SIL1: variants seen among roughly 807,000 people sequenced by gnomAD.
The protein encoded by SIL1 is nucleotide exchange factor SIL1.
In SIL1, 40 loss-of-function variants were observed where a neutral mutation model predicts 49.1. The ratio of observed to expected loss-of-function variants is 0.81; its 90% confidence interval spans 0.63 to 1.06. SIL1 has a LOEUF of 1.06. SIL1 is among the 50% of genes least tolerant of loss of function. The pLI, the probability that SIL1 is intolerant of heterozygous loss-of-function variation, is 0.00. For missense variants in SIL1, 500 were observed against 572.6 expected (o/e 0.87, Z 1.29); for synonymous variants, 253 against 250.8 (o/e 1.01, Z -0.08).
chr5:139,116,848 G>T (rs530660991), intron 3 of SIL1, among the ~76,000 whole-genome samples: 98 of 152,288 alleles, frequency 6.4e-4, no homozygotes, highest in African/African-American at 2.1e-3. Flanking sequence ...GCCCTGTGTT[G>T]AACATTTTAC....
At chr5:139,039,372 G>T (rs991330278) in intron 5 of SIL1, among the ~76,000 whole-genome samples, 5 of 152,114 alleles carry the variant, frequency 3.3e-5, no homozygotes, top group African/African-American at 4.8e-5. Context: ...AGTGGGGTGG[G>T]GAGATTTTCA....
Position 139,020,486 on chromosome 5 carries a change from A to G in SIL1, c.767+685T>C, listed in dbSNP as rs2150427566. Reference sequence around the variant, plus strand: ...ATCAGAATATTTGTTCCTGTTTTAAAGGCACAAATGGTCCTAAGAGCAGAT... The same window carrying G: ...ATCAGAATATTTGTTCCTGTTTTAAGGGCACAAATGGTCCTAAGAGCAGAT... On this transcript the variant is annotated intron_variant, in intron 7 of 9. Transcript: ENST00000394817. 2.0e-5 allele frequency among the ~76,000 whole-genome samples: 3 copies of G among 152,388 alleles called. No homozygotes were observed. In the Middle Eastern group the frequency reaches 0.01, roughly 518 times the overall value.
At chr5:139,095,705 G>A (rs1226330603) in intron 3 of SIL1, among the ~76,000 whole-genome samples, 7 of 152,210 alleles carry the variant, frequency 4.6e-5, no homozygotes, top group South Asian at 4.1e-4. Flanking sequence ...GCACACACCT[G>A]TAGTCCCAGC....
At chr5:139,184,135 A>C (rs114286855) in intron 1 of SIL1, among the ~76,000 whole-genome samples, 290 of 152,286 alleles carry the variant, frequency 1.9e-3, no homozygotes, top group African/African-American at 6.8e-3. Context: ...TCCTGAAAGG[A>C]GGGTTCAAAC....
intron 3 of SIL1, among the ~76,000 whole-genome samples, chr5:139,095,629 C>A (rs1320231816): frequency 6.6e-6 from 1 of 152,102 alleles, no homozygotes; most frequent in Non-Finnish European, 1.5e-5. Context: ...CGCCTGTAAT[C>A]CAAGCACTTT....
At chr5:139,035,214 T>C (rs1768875786) in intron 5 of SIL1, 1 of 435,862 alleles carries the variant, frequency 2.3e-6, no homozygotes. Context: ...GTGACGGCCA[T>C]CAACACTGCA....
At chr5:138,951,683 G>A (rs904848547) in intron 8 of SIL1, 105 bp downstream of exon 8, 4 of 1,094,318 alleles carry the variant, frequency 3.7e-6, no homozygotes, top group Non-Finnish European at 5.6e-6. Flanking sequence ...AGCAGATGAT[G>A]CTCAGGCCCC....
At chr5:139,085,906 G>C (rs1399264254) in intron 3 of SIL1, among the ~76,000 whole-genome samples, 1 of 152,160 alleles carries the variant, frequency 6.6e-6, no homozygotes, top group South Asian at 2.1e-4. Context: ...CATCTTTCCA[G>C]ATGAAAGAAG....
chr5:139,142,800 G>C (rs1482675469), intron 1 of SIL1, among the ~76,000 whole-genome samples: 1 of 151,724 alleles, frequency 6.6e-6, no homozygotes, highest in African/African-American at 2.4e-5. Context: ...ATAGAGTCTC[G>C]CTCTGTTGCC....
At chr5:139,155,448 T>TGTGAGA (rs1464133050) in intron 1 of SIL1, 1 of 125,910 alleles carries the variant, frequency 7.9e-6, no homozygotes, top group Non-Finnish European at 1.8e-5. Flanking sequence ...GTACACAGAG[T>TGTGAGA]GAGAGAGAGA....
At chr5:139,077,937 C>A (rs962845311) in intron 3 of SIL1, among the ~76,000 whole-genome samples, 1 of 152,118 alleles carries the variant, frequency 6.6e-6, no homozygotes, top group African/African-American at 2.4e-5. Context: ...CATCCTCATT[C>A]TCTCTATCAC....
At chr5:138,985,771 T>C (rs1388633535) in intron 7 of SIL1, among the ~76,000 whole-genome samples, 3 of 152,144 alleles carry the variant, frequency 2.0e-5, no homozygotes, top group Non-Finnish European at 4.4e-5. Flanking sequence ...CAGGGGCCCC[T>C]GTACATATTT....
chr5:139,124,456 A>T lies in SIL1; in HGVS notation c.105+3283T>A, dbSNP rs80330915. On this transcript the variant is annotated intron_variant, in intron 2 of 9. Coordinates refer to ENST00000394817, the MANE Select transcript of SIL1 (RefSeq NM_022464.5). Reference sequence around the variant, plus strand: ...ACAAAACCTGTACATTTAAAAGTATATTTTAAAGTACACCTCAGTTTTTAG... The same window carrying T: ...ACAAAACCTGTACATTTAAAAGTATTTTTTAAAGTACACCTCAGTTTTTAG... Among the ~76,000 whole-genome samples, 908 of 152,316 alleles carry T rather than the reference A, an allele frequency of 6.0e-3. 3 individuals are homozygous for T. The highest frequency in any genetic ancestry group is 0.02 in the African/African-American group (835 of 41,570).
chr5:139,149,692 G>A (rs1020855791), intron 1 of SIL1, among the ~76,000 whole-genome samples: 8 of 152,158 alleles, frequency 5.3e-5, no homozygotes, highest in Non-Finnish European at 5.9e-5. Flanking sequence ...GAGCTTTGAT[G>A]ATTAAAAGAG....
intron 1 of SIL1, among the ~76,000 whole-genome samples, chr5:139,178,220 C>A (rs1751921650): frequency 6.6e-6 from 1 of 152,218 alleles, no homozygotes; most frequent in South Asian, 2.1e-4. Context: ...AACAAGGCCA[C>A]ACTAAAGGAG....
chr5:138,981,495 G>C (rs1229474416), intron 7 of SIL1, among the ~76,000 whole-genome samples: 1 of 152,172 alleles, frequency 6.6e-6, no homozygotes, highest in Admixed American at 6.5e-5. Context: ...AGATCATATG[G>C]GAGTATTTCA....
chr5:138,957,334 G>C (rs1766923778), intron 7 of SIL1, among the ~76,000 whole-genome samples: 1 of 151,766 alleles, frequency 6.6e-6, no homozygotes, highest in African/African-American at 2.4e-5. Flanking sequence ...ACTTTGACAG[G>C]CTAAGGTGGG....
intron 3 of SIL1, among the ~76,000 whole-genome samples, chr5:139,098,933 C>T (rs1030120032): frequency 1.4e-5 from 2 of 147,896 alleles, no homozygotes; most frequent in South Asian, 2.2e-4. Flanking sequence ...TCTCCTGTCT[C>T]AGCCTCCTGA....
chr5:139,035,088 C>T, intron 5 of SIL1: 1 of 240,606 alleles, frequency 4.2e-6, no homozygotes, highest in Non-Finnish European at 8.2e-6. Flanking sequence ...TGTCTATGTC[C>T]TTTGCCCACT....
Sources: allele counts gnomAD v4.1 joint callset (sites outside exome capture counted in the v4.1 genomes callset), GRCh38; gene constraint gnomAD v4.1.1; transcripts MANE v1.5; gene names NCBI Gene and HGNC (gene_info 2026-07-23, HGNC 2026-07-21).